CDH12: variants seen among roughly 807,000 people sequenced by gnomAD.
CDH12 encodes the protein cadherin-12.
Under a neutral mutation model 74.1 loss-of-function variants are expected in CDH12, and 41 were observed. That is an observed-to-expected ratio of 0.55 (90% confidence interval 0.43 to 0.72). The LOEUF (loss-of-function observed/expected upper bound fraction) is 0.72, where lower values mean the gene tolerates loss of function less well. CDH12 is among the 30% of genes least tolerant of loss of function. The pLI is 0.00. For synonymous variants in CDH12, 399 were observed against 355.0 expected (o/e 1.12, Z -1.39); for missense variants, 945 against 977.2 (o/e 0.97, Z 0.44).
At chr5:21,792,683 T>C (rs1241682131) in intron 10 of CDH12, among the ~76,000 whole-genome samples, 1 of 149,718 alleles carries the variant, frequency 6.7e-6, no homozygotes, top group South Asian at 2.2e-4. Context: ...TCTTCTCCTC[T>C]GCCATTCTGT....
chr5:22,005,585 A>G (rs1056599220), intron 5 of CDH12, among the ~76,000 whole-genome samples: 5 of 151,990 alleles, frequency 3.3e-5, no homozygotes, highest in Non-Finnish European at 7.4e-5. Flanking sequence ...TTAAAAAAAA[A>G]AAAAACCCAC....
At chr5:21,755,901 A>T in intron 13 of CDH12, 59 bp from the exon 14 acceptor site, 1 of 1,527,530 alleles carries the variant, frequency 6.5e-7, no homozygotes, top group Non-Finnish European at 9.0e-7. Flanking sequence ...CAAATCTTCA[A>T]GTTGGTATCT....
chr5:22,506,332 T>G (rs1561454834), intron 1 of CDH12, among the ~76,000 whole-genome samples: 1 of 152,184 alleles, frequency 6.6e-6, no homozygotes, highest in South Asian at 2.1e-4. Flanking sequence ...ATTTATTCAT[T>G]CAGTAATTTA....
chr5:22,679,500 C>T (rs1009006783), intron 1 of CDH12, among the ~76,000 whole-genome samples: 4 of 151,904 alleles, frequency 2.6e-5, no homozygotes, highest in African/African-American at 9.7e-5. Flanking sequence ...GACCAGGGAC[C>T]AGTTGTTATG....
chr5:22,023,333 T>G (rs1234765127), intron 5 of CDH12, among the ~76,000 whole-genome samples: 1 of 152,136 alleles, frequency 6.6e-6, no homozygotes, highest in Non-Finnish European at 1.5e-5. Context: ...ATTTCTTGCC[T>G]TCATTATATT....
intron 5 of CDH12, among the ~76,000 whole-genome samples, chr5:21,978,983 AAAG>A (rs1580059287): frequency 6.6e-6 from 1 of 152,318 alleles, no homozygotes; most frequent in East Asian, 1.9e-4. Context: ...TCATTTGCAC[AAAG>A]AAGGAAGGAG....
Position 22,227,657 on chromosome 5 carries a change from T to G in CDH12, c.-332-15014A>C, listed in dbSNP as rs549837218. 7.9e-5 allele frequency among the ~76,000 whole-genome samples: 12 copies of G among 152,260 alleles called. No homozygotes were observed. The South Asian group carries it at 1.2e-3, about 16-fold the overall frequency. The stretch of plus-strand genomic sequence containing the variant: ...CTACAATTATTTATAATATATTCTC[T>G]TTCATATGTTCAAAACACTGGGAAA... On this transcript the variant is annotated intron_variant, in intron 3 of 14. Transcript: ENST00000382254.
At chr5:22,684,824 T>C (rs1408729969) in intron 1 of CDH12, among the ~76,000 whole-genome samples, 1 of 152,212 alleles carries the variant, frequency 6.6e-6, no homozygotes, top group East Asian at 1.9e-4. Context: ...CAATGGTTTT[T>C]ATTCTTCAAT....
intron 3 of CDH12, among the ~76,000 whole-genome samples, chr5:22,215,445 C>CA (rs1201390090): frequency 6.6e-6 from 1 of 151,646 alleles, no homozygotes; most frequent in Admixed American, 6.6e-5. Flanking sequence ...AAAAAATTCA[C>CA]AAAAAAAACT....
At chr5:21,957,022 C>G (rs994055439) in intron 6 of CDH12, among the ~76,000 whole-genome samples, 1 of 151,834 alleles carries the variant, frequency 6.6e-6, no homozygotes, top group Non-Finnish European at 1.5e-5. Context: ...ACCTAGGTAC[C>G]AAGTACTCAA....
intron 4 of CDH12, among the ~76,000 whole-genome samples, chr5:22,211,082 C>G (rs1203824568): frequency 6.6e-6 from 1 of 152,144 alleles, no homozygotes; most frequent in East Asian, 1.9e-4. Flanking sequence ...ACATCGACAT[C>G]AGCCTGAAAA....
intron 1 of CDH12, among the ~76,000 whole-genome samples, chr5:22,743,500 A>C (rs555418834): frequency 6.6e-6 from 1 of 151,988 alleles, no homozygotes; most frequent in South Asian, 2.1e-4. Flanking sequence ...ACAAAAAGCT[A>C]TTCCTTTCAG....
chr5:22,245,388 A>T (rs892479847), intron 3 of CDH12, among the ~76,000 whole-genome samples: 6 of 152,126 alleles, frequency 3.9e-5, no homozygotes, highest in African/African-American at 1.4e-4. Context: ...CTCAGGATGG[A>T]ACAACAGGAG....
chr5:22,318,157 A>T (rs1319232187), intron 3 of CDH12, among the ~76,000 whole-genome samples: 1 of 152,200 alleles, frequency 6.6e-6, no homozygotes, highest in East Asian at 1.9e-4. Context: ...GTCAAATCAA[A>T]TCACTTTAGA....
intron 4 of CDH12, among the ~76,000 whole-genome samples, chr5:22,179,306 G>C (rs555719828): frequency 2.0e-5 from 3 of 152,180 alleles, no homozygotes; most frequent in Non-Finnish European, 4.4e-5. Flanking sequence ...TATCAAATAT[G>C]GGTTTATGAC....
intron 1 of CDH12, among the ~76,000 whole-genome samples, chr5:22,818,117 C>A (rs940719045): frequency 1.3e-5 from 2 of 152,086 alleles, no homozygotes; most frequent in African/African-American, 4.8e-5. Flanking sequence ...GAATCAAGGG[C>A]CTTCTGCAAA....
intron 4 of CDH12, among the ~76,000 whole-genome samples, chr5:22,133,506 G>C (rs1746286237): frequency 6.6e-6 from 1 of 152,028 alleles, no homozygotes; most frequent in African/African-American, 2.4e-5. Context: ...ACTCATATTT[G>C]TAATTCAACC....
At chr5:22,675,509 C>T (rs935617592) in intron 1 of CDH12, among the ~76,000 whole-genome samples, 3 of 152,252 alleles carry the variant, frequency 2.0e-5, no homozygotes, top group Middle Eastern at 6.8e-3. Flanking sequence ...ACAGAAGGGA[C>T]TTGCCTTGTC....
intron 6 of CDH12, among the ~76,000 whole-genome samples, chr5:21,856,033 C>A (rs1750737989): frequency 6.6e-6 from 1 of 151,556 alleles, no homozygotes; most frequent in African/African-American, 2.4e-5. Context: ...CAGCCTTTCC[C>A]AAGAAAAGAA....
Sources: gnomAD v4.1 joint callset for allele counts (sites outside exome capture counted in the v4.1 genomes callset) on GRCh38, gnomAD v4.1.1 for gene constraint, MANE v1.5 for transcripts, NCBI Gene and HGNC (gene_info 2026-07-23, HGNC 2026-07-21) for gene names.